Variants in NFATC2 observed in about 807,000 individuals in gnomAD.
NFATC2 encodes the protein nuclear factor of activated T cells 2.
A neutral mutation model predicts 87.3 loss-of-function variants in NFATC2; 22 were observed. The ratio of observed to expected loss-of-function variants is 0.25; its 90% confidence interval spans 0.18 to 0.36. NFATC2 has a LOEUF of 0.36. Among genes scored for constraint, NFATC2 ranks in the 10% least tolerant of loss-of-function variants. The pLI is 1.00. For synonymous variants in NFATC2, 565 were observed against 542.2 expected, an observed-to-expected ratio of 1.04 and a Z score of -0.58; for missense variants, 1,149 against 1,259.1, an observed-to-expected ratio of 0.91 and a Z score of 1.32.
intron 9 of NFATC2, among the ~76,000 whole-genome samples, chr20:51,416,939 A>G (rs1980123191): frequency 6.6e-6 from 1 of 152,186 alleles, no homozygotes. Context: ...TGGAGGGCCC[A>G]GGAGGAGGTC....
chr20:51,502,778 G>C (rs931668991), intron 3 of NFATC2, among the ~76,000 whole-genome samples: 2 of 152,152 alleles, frequency 1.3e-5, no homozygotes, highest in Non-Finnish European at 2.9e-5. Flanking sequence ...CCTGATACAG[G>C]TTCCAAAAAC....
chr20:51,398,943 C>T, intron 9 of NFATC2: 1 of 547,532 alleles, frequency 1.8e-6, no homozygotes, highest in South Asian at 2.2e-5. Context: ...GGACTCTGTG[C>T]AAAGTGCATT....
intron 9 of NFATC2, among the ~76,000 whole-genome samples, chr20:51,414,351 CAG>C (rs1979725970): frequency 6.6e-6 from 1 of 152,200 alleles, no homozygotes; most frequent in African/African-American, 2.4e-5. Context: ...AGGTGCAGAG[CAG>C]AGACATTGTC....
At chr20:51,538,281 G>T (rs911016157) in intron 1 of NFATC2, among the ~76,000 whole-genome samples, 13 of 152,042 alleles carry the variant, frequency 8.6e-5, no homozygotes, top group African/African-American at 3.1e-4. Flanking sequence ...ATCTAATAAT[G>T]TATGCCAACA....
At chr20:51,491,918 A>ACC (rs1238313571) in intron 3 of NFATC2, among the ~76,000 whole-genome samples, 22 of 90,010 alleles carry the variant, frequency 2.4e-4, no homozygotes, top group Non-Finnish European at 4.2e-4. Flanking sequence ...ACACACACAC[A>ACC]CCCCTTGCCC....
intron 3 of NFATC2, among the ~76,000 whole-genome samples, chr20:51,499,806 G>A (rs1393025425): frequency 6.6e-6 from 1 of 151,860 alleles, no homozygotes; most frequent in African/African-American, 2.4e-5. Flanking sequence ...CTTCCTACCT[G>A]TAAAAGCTTT....
At chr20:51,410,034 C>G (rs1247135380) in intron 9 of NFATC2, among the ~76,000 whole-genome samples, 1 of 151,962 alleles carries the variant, frequency 6.6e-6, no homozygotes, top group Non-Finnish European at 1.5e-5. Flanking sequence ...CACGGTGAAA[C>G]CCCGTCTCTA....
chr20:51,540,078 C>T (rs548620009), intron 1 of NFATC2, among the ~76,000 whole-genome samples: 20 of 152,256 alleles, frequency 1.3e-4, no homozygotes, highest in Non-Finnish European at 2.5e-4. Flanking sequence ...GCAATGGTGC[C>T]ACCTGCCTCA....
chr20:51,430,542 G>A (rs1427436089), intron 9 of NFATC2, among the ~76,000 whole-genome samples: 1 of 152,190 alleles, frequency 6.6e-6, no homozygotes, highest in East Asian at 1.9e-4. Context: ...AATACCTAGA[G>A]GTCAGCCTTG....
In NFATC2 at chr20:51,533,098, G is replaced by A. The variant is rs78984381; in HGVS notation, c.131-8988C>T. The stretch of plus-strand genomic sequence containing the variant: ...CACTTAGGATGCCACAGCTGGCACC[G>A]CAGATCTGTAGCCGGAGGAAAGGGG... On this transcript the variant is annotated intron_variant, in intron 1 of 10. Coordinates refer to ENST00000371564, the MANE Select transcript of NFATC2 (RefSeq NM_012340.5). Among the ~76,000 whole-genome samples, 988 of 152,310 alleles carry A rather than the reference G, an allele frequency of 6.5e-3. 5 individuals are homozygous for A. The highest frequency in any genetic ancestry group is 0.022 in the African/African-American group (906 of 41,558).
intron 9 of NFATC2, among the ~76,000 whole-genome samples, chr20:51,412,730 A>C (rs1294691480): frequency 6.6e-6 from 1 of 151,782 alleles, no homozygotes; most frequent in African/African-American, 2.4e-5. Flanking sequence ...GTCCACGGGG[A>C]TGCTATCTTC....
intron 6 of NFATC2, among the ~76,000 whole-genome samples, chr20:51,440,414 T>G (rs773504239): frequency 6.6e-6 from 1 of 152,114 alleles, no homozygotes; most frequent in African/African-American, 2.4e-5. Flanking sequence ...ATTTTCCAAG[T>G]GCATTTTATG....
rs150127790 is a variant in NFATC2, at chr20:51,451,828, G to A, written c.1849+2720C>T. ...GCCTGATCATCCGTTACTGTCTCCCGTCAACCCCCAGATGGGACTACCTAG... is the reference window on the plus strand; with the variant it reads ...GCCTGATCATCCGTTACTGTCTCCCATCAACCCCCAGATGGGACTACCTAG... On this transcript the variant is annotated intron_variant, in intron 6 of 10. Transcript: ENST00000371564. Among the ~76,000 whole-genome samples the A allele has an allele frequency of 2.0e-3, 311 of 152,260 alleles. 2 individuals carry two copies. The highest frequency in any genetic ancestry group is 6.6e-3 in the African/African-American group (274 of 41,538).
chr20:51,485,609 C>T (rs764906684), intron 3 of NFATC2, among the ~76,000 whole-genome samples: 3 of 151,910 alleles, frequency 2.0e-5, no homozygotes, highest in Non-Finnish European at 2.9e-5. Context: ...ACCAGTGTAA[C>T]ACTGAGATCA....
intron 1 of NFATC2, among the ~76,000 whole-genome samples, chr20:51,531,838 G>A (rs566497553): frequency 3.9e-4 from 60 of 152,194 alleles, no homozygotes; most frequent in African/African-American, 1.4e-3. Flanking sequence ...CAACTTGAAC[G>A]CACTAGTCCC....
intron 3 of NFATC2, among the ~76,000 whole-genome samples, chr20:51,498,034 T>C (rs540916753): frequency 6.6e-6 from 1 of 152,336 alleles, no homozygotes; most frequent in East Asian, 1.9e-4. Context: ...AACTAACTTG[T>C]GCCTATTCCA....
At chr20:51,533,782 G>A (rs1462772571) in intron 1 of NFATC2, among the ~76,000 whole-genome samples, 2 of 152,224 alleles carry the variant, frequency 1.3e-5, no homozygotes, top group South Asian at 2.1e-4. Flanking sequence ...TGGCATGACC[G>A]CTTGCAAAAA....
chr20:51,475,314 A>G (rs1392510702), intron 4 of NFATC2, 144 bp downstream of exon 4: 1 of 799,104 alleles, frequency 1.3e-6, no homozygotes, highest in Non-Finnish European at 2.1e-6. Flanking sequence ...CAGAAATCAC[A>G]ACGGGTCGAT....
intron 5 of NFATC2, among the ~76,000 whole-genome samples, chr20:51,472,699 G>T (rs1015302472): frequency 7.2e-6 from 1 of 139,656 alleles, no homozygotes; most frequent in Non-Finnish European, 1.5e-5. Flanking sequence ...GCAGTGGTGC[G>T]ATCTCAGCTC....
Sources: allele counts gnomAD v4.1 joint callset (sites outside exome capture counted in the v4.1 genomes callset), GRCh38; gene constraint gnomAD v4.1.1; transcripts MANE v1.5; gene names NCBI Gene and HGNC (gene_info 2026-07-23, HGNC 2026-07-21).